The following ZFP1 variants were observed in gnomAD, a reference collection of about 807,000 sequenced individuals.
The protein encoded by ZFP1 is ZFP1 zinc finger protein.
In ZFP1, 32 loss-of-function variants were observed where a neutral mutation model predicts 38.5. The observed-to-expected ratio is 0.83, with a 90% CI of 0.63 to 1.12. The LOEUF (loss-of-function observed/expected upper bound fraction) is 1.12. Ranked by LOEUF, ZFP1 falls within the 50% of genes most tolerant of loss-of-function variation. The probability of loss-of-function intolerance (pLI) is 0.00; values close to 1 mark genes in which losing one functional copy is unlikely to be tolerated. For missense variants in ZFP1, 616 were observed against 480.8 expected, an observed-to-expected ratio of 1.28 and a Z score of -2.63; for synonymous variants, 245 against 168.8, an observed-to-expected ratio of 1.45 and a Z score of -3.50.
chr16:75,139,400 C>T, the ZFP1 span, among the ~76,000 whole-genome samples: 30,756 of 130,380 alleles, frequency 0.24, 4,196 homozygotes, highest in Non-Finnish European at 0.31. Flanking sequence ...AAAAAAACAC[C>T]GTCAGAGCCA....
chr16:75,158,779 C>T (rs767999489), intron 2 of ZFP1, among the ~76,000 whole-genome samples: 6 of 151,548 alleles, frequency 4.0e-5, no homozygotes, highest in Non-Finnish European at 5.9e-5. Flanking sequence ...TAACTGACCA[C>T]CTCTTTAATA....
intron 2 of ZFP1, among the ~76,000 whole-genome samples, chr16:75,155,502 G>T (rs921484758): frequency 6.6e-6 from 1 of 152,170 alleles, no homozygotes; most frequent in African/African-American, 2.4e-5. Flanking sequence ...GAGCATAGAG[G>T]TTGCTCATTC....
intron 2 of ZFP1, among the ~76,000 whole-genome samples, chr16:75,166,216 G>C (rs1229586544): frequency 6.6e-6 from 1 of 152,126 alleles, no homozygotes; most frequent in Non-Finnish European, 1.5e-5. Flanking sequence ...TTGTCTCACA[G>C]TACACATCTT....
In ZFP1 at chr16:75,171,302, T is replaced by C. The variant is rs1334627488; in HGVS notation, c.*968T>C. The stretch of plus-strand genomic sequence containing the variant: ...GCTTCTGTAGTTCACAAATGTTACA[T>C]TTCAGAGACTTTAGAGGAAAAATTA... On this transcript the variant is annotated 3_prime_UTR_variant, in exon 4 of 4. Coordinates refer to ENST00000570010, the MANE Select transcript of ZFP1 (RefSeq NM_153688.4). The C allele has an allele frequency of 2.0e-5, 3 of 152,234 alleles. No homozygotes were observed. The highest frequency in any genetic ancestry group is 4.4e-5 in the Non-Finnish European group (3 of 68,052). The allele number at this position is 152,234 out of a possible 1,614,324, so 9.4% of individuals were successfully genotyped here.
At chr16:75,141,465 A>T in the ZFP1 span, among the ~76,000 whole-genome samples, 3 of 151,774 alleles carry the variant, frequency 2.0e-5, no homozygotes, top group African/African-American at 7.3e-5. Flanking sequence ...TCGGCCTCCC[A>T]AAGTGCTGGG....
chr16:75,122,361 T>C, the ZFP1 span, among the ~76,000 whole-genome samples: 1 of 152,136 alleles, frequency 6.6e-6, no homozygotes, highest in Non-Finnish European at 1.5e-5. Flanking sequence ...AACAGTTGGC[T>C]CAGGATGAAT....
At chr16:75,138,368 G>C in the ZFP1 span, among the ~76,000 whole-genome samples, 1 of 152,272 alleles carries the variant, frequency 6.6e-6, no homozygotes, top group African/African-American at 2.4e-5. Flanking sequence ...ACTGTGCAGA[G>C]TGACTTCCTT....
intron 1 of ZFP1, among the ~76,000 whole-genome samples, chr16:75,152,478 A>C (rs770392160): frequency 3.3e-5 from 5 of 152,214 alleles, no homozygotes; most frequent in Admixed American, 1.3e-4. Flanking sequence ...ACCTGCTGAA[A>C]GATCAACTCT....
intron 2 of ZFP1, among the ~76,000 whole-genome samples, chr16:75,163,291 A>G (rs1432920589): frequency 6.7e-6 from 1 of 149,896 alleles, no homozygotes; most frequent in Non-Finnish European, 1.5e-5. Context: ...CCCAGCGTGC[A>G]TTGTTGTTTT....
intron 3 of ZFP1, 59 bp downstream of exon 3, chr16:75,166,955 C>T (rs963919121): frequency 2.6e-6 from 4 of 1,563,250 alleles, no homozygotes; most frequent in East Asian, 4.5e-5. Flanking sequence ...TGTCCTGTCT[C>T]AGTGACCAGA....
the ZFP1 span, among the ~76,000 whole-genome samples, chr16:75,122,863 C>G: frequency 5.9e-5 from 9 of 152,206 alleles, no homozygotes; most frequent in African/African-American, 1.9e-4. Context: ...TAGGTGCAAT[C>G]TTTTTCACTG....
rs927246807 is a variant in ZFP1, at chr16:75,171,735, T to C, written c.*1401T>C. 1.3e-5 allele frequency: 2 copies of C among 152,246 alleles called. No individual in the cohort carries two copies. The highest frequency in any genetic ancestry group is 2.9e-5 in the Non-Finnish European group (2 of 68,044). The allele number at this position is 152,246 out of a possible 1,614,324, so 9.4% of individuals were successfully genotyped here. ...ATATCATTGATGTGCTGTCACACTA[T>C]ATATTGAGTGACTTTCTGAACAAAT... is the stretch of plus-strand genomic sequence containing the variant. On this transcript the variant is annotated 3_prime_UTR_variant, in exon 4 of 4. Transcript: ENST00000570010.
upstream of ZFP1, chr16:75,144,264 C>CT (rs1394287931): frequency 6.6e-6 from 1 of 152,040 alleles, no homozygotes; most frequent in African/African-American, 2.4e-5. Context: ...AGTGTTTAGT[C>CT]TTTTTAAAAT....
the ZFP1 span, among the ~76,000 whole-genome samples, chr16:75,140,773 C>T: frequency 1.3e-5 from 2 of 152,176 alleles, no homozygotes. Flanking sequence ...TCCTGGCTAA[C>T]GCGGTGAAAC....
chr16:75,119,016 A>G, the ZFP1 span, among the ~76,000 whole-genome samples: 3 of 152,124 alleles, frequency 2.0e-5, no homozygotes, highest in African/African-American at 7.2e-5. Flanking sequence ...GACCCAAACA[A>G]TGTTCATCTT....
chr16:75,124,723 C>T, the ZFP1 span, among the ~76,000 whole-genome samples: 5 of 143,026 alleles, frequency 3.5e-5, no homozygotes, highest in Middle Eastern at 3.7e-3. Context: ...GGAGGCGGAG[C>T]TTGCGGCGAG....
the ZFP1 span, among the ~76,000 whole-genome samples, chr16:75,123,024 ATAAT>A: frequency 3.3e-5 from 5 of 152,212 alleles, no homozygotes; most frequent in Non-Finnish European, 5.9e-5. Flanking sequence ...CTAAAGTTAA[ATAAT>A]AGAGATTTTA....
At chr16:75,130,467 C>A in the ZFP1 span, among the ~76,000 whole-genome samples, 1 of 152,154 alleles carries the variant, frequency 6.6e-6, no homozygotes, top group African/African-American at 2.4e-5. Flanking sequence ...TTGAGGCTTT[C>A]TTCCCTTACC....
chr16:75,168,094 T>C (rs11645503), intron 3 of ZFP1, among the ~76,000 whole-genome samples: 32,285 of 151,924 alleles, frequency 0.21, 4,340 homozygotes, highest in Non-Finnish European at 0.3. Flanking sequence ...TGACTTCAAG[T>C]GATCCTCCTG....
Sources: allele counts gnomAD v4.1 joint callset (sites outside exome capture counted in the v4.1 genomes callset), GRCh38; gene constraint gnomAD v4.1.1; transcripts MANE v1.5; gene names NCBI Gene and HGNC (gene_info 2026-07-23, HGNC 2026-07-21).